The following KCNIP4 variants were observed in gnomAD, a reference collection of about 807,000 sequenced individuals.
The protein encoded by KCNIP4 is potassium voltage-gated channel interacting protein 4, also known as Kv channel-interacting protein 4.
In KCNIP4, 12 loss-of-function variants were observed where a neutral mutation model predicts 34.0. That is an observed-to-expected ratio of 0.35 (90% CI 0.23 to 0.57). KCNIP4 has a LOEUF of 0.57. Among genes scored for constraint, KCNIP4 ranks in the 20% least tolerant of loss-of-function variants. The pLI is 0.83. For synonymous variants in KCNIP4, 124 were observed against 102.2 expected (o/e 1.21, Z -1.29); for missense variants, 238 against 311.7 (o/e 0.76, Z 1.78).
At chr4:21,947,477 G>A (rs563622533) in intron 1 of KCNIP4, among the ~76,000 whole-genome samples, 2 of 152,246 alleles carry the variant, frequency 1.3e-5, no homozygotes, top group Admixed American at 1.3e-4. Flanking sequence ...TCCCGGTTAC[G>A]ATGACCTTAA....
chr4:20,893,510 A>G, intron 1 of KCNIP4, among the ~76,000 whole-genome samples: 1 of 151,230 alleles, frequency 6.6e-6, no homozygotes, highest in Admixed American at 6.6e-5. Context: ...GCAGCCTCGA[A>G]CTCCTGGGCT....
At chr4:20,803,235 A>T (rs79008764) in intron 3 of KCNIP4, among the ~76,000 whole-genome samples, 4,567 of 151,846 alleles carry the variant, frequency 0.03, 192 homozygotes, top group African/African-American at 0.094. Context: ...ATAGTCTAAC[A>T]TTATACCTAA....
At chr4:21,365,475 CAAAA>C (rs1224573367) in intron 1 of KCNIP4, among the ~76,000 whole-genome samples, 1,539 of 87,848 alleles carry the variant, frequency 0.018, 31 homozygotes, top group African/African-American at 0.055. Context: ...GAGACTGTCT[CAAAA>C]AATAAATAAA....
intron 1 of KCNIP4, among the ~76,000 whole-genome samples, chr4:21,549,268 C>T (rs537428115): frequency 3.2e-4 from 48 of 151,924 alleles, no homozygotes; most frequent in Non-Finnish European, 5.6e-4. Context: ...ACCATAACTA[C>T]CTGATACAAT....
intron 1 of KCNIP4, among the ~76,000 whole-genome samples, chr4:21,066,627 T>G (rs1454620268): frequency 6.6e-6 from 1 of 152,106 alleles, no homozygotes; most frequent in East Asian, 1.9e-4. Flanking sequence ...TGGAACTCAG[T>G]GCTGTCCTGT....
rs376279386 is a variant in KCNIP4 at position 20,847,198 on chromosome 4, G to A, written c.288+3345C>T. Among the ~76,000 whole-genome samples the A allele has an allele frequency of 2.0e-4, 31 of 152,178 alleles. No individual in the cohort carries two copies. In the South Asian group the frequency reaches 3.9e-3, roughly 19 times the overall value. On this transcript the variant is annotated intron_variant, in intron 3 of 8. Transcript: ENST00000382152. ...ATTATATTTATTTCTTTAAAAAAGTGCAATCTAGTTATCATTATCCCAGTT... is the reference window on the plus strand; with the variant it reads ...ATTATATTTATTTCTTTAAAAAAGTACAATCTAGTTATCATTATCCCAGTT...
At chr4:21,575,394 A>G (rs1419091657) in intron 1 of KCNIP4, among the ~76,000 whole-genome samples, 2 of 152,138 alleles carry the variant, frequency 1.3e-5, no homozygotes, top group African/African-American at 4.8e-5. Context: ...AAGAAGGAAA[A>G]TGTTTCTGCC....
intron 1 of KCNIP4, among the ~76,000 whole-genome samples, chr4:21,551,664 C>A (rs1738594730): frequency 6.7e-6 from 1 of 149,156 alleles, no homozygotes; most frequent in African/African-American, 2.5e-5. Context: ...TTGGAGAGGG[C>A]ACATTATAAT....
intron 1 of KCNIP4, among the ~76,000 whole-genome samples, chr4:21,729,683 T>C (rs1430037908): frequency 1.3e-5 from 2 of 152,110 alleles, no homozygotes; most frequent in Non-Finnish European, 2.9e-5. Flanking sequence ...TTCCTATAAG[T>C]TTACATGTGA....
At chr4:21,383,687 C>T (rs566904448) in intron 1 of KCNIP4, among the ~76,000 whole-genome samples, 30 of 151,990 alleles carry the variant, frequency 2.0e-4, no homozygotes, top group East Asian at 5.8e-4. Flanking sequence ...AAATACCTTC[C>T]GATTTTACCT....
chr4:21,266,866 A>G (rs1484116063), intron 1 of KCNIP4, among the ~76,000 whole-genome samples: 1 of 152,192 alleles, frequency 6.6e-6, no homozygotes. Context: ...AGTGAGGAAG[A>G]AGGACTGGAA....
intron 1 of KCNIP4, among the ~76,000 whole-genome samples, chr4:21,095,102 G>T (rs1158182902): frequency 6.6e-6 from 1 of 152,194 alleles, no homozygotes; most frequent in Non-Finnish European, 1.5e-5. Context: ...TTCAAATATG[G>T]ATAACAAGGA....
chr4:20,759,105 T>C (rs1754730237), intron 3 of KCNIP4, among the ~76,000 whole-genome samples: 1 of 152,224 alleles, frequency 6.6e-6, no homozygotes, highest in Non-Finnish European at 1.5e-5. Context: ...TCTTTGCATA[T>C]TGAGTATCAA....
At chr4:20,931,749 G>A (rs543399376) in intron 1 of KCNIP4, among the ~76,000 whole-genome samples, 4 of 152,016 alleles carry the variant, frequency 2.6e-5, no homozygotes, top group Non-Finnish European at 4.4e-5. Flanking sequence ...AATATGCAGA[G>A]ATAGACAATA....
At position 21,119,151 on chromosome 4, in the gene KCNIP4, C is replaced by T. The variant is rs986033403; in HGVS notation, c.62-236442G>A. 9.9e-5 allele frequency among the ~76,000 whole-genome samples: 15 copies of T among 151,860 alleles called. 1 individual carries two copies. Among genetic ancestry groups the T allele is most frequent in the Admixed American group, 5.2e-4 (8 of 15,258 alleles). ...GCCTACTTTGGAAGTTTAGAGAGGA[C>T]GATATGCACTGAGAAAGGGCGGAGC... On this transcript the variant is annotated intron_variant, in intron 1 of 8. Transcript: ENST00000382152.
At chr4:21,790,432 C>T (rs1720200533) in intron 1 of KCNIP4, among the ~76,000 whole-genome samples, 1 of 152,104 alleles carries the variant, frequency 6.6e-6, no homozygotes, top group Admixed American at 6.5e-5. Flanking sequence ...TTCACATACA[C>T]CAGAATAGGA....
At chr4:21,528,864 GAA>G (rs1736406261) in intron 1 of KCNIP4, among the ~76,000 whole-genome samples, 3 of 149,188 alleles carry the variant, frequency 2.0e-5, no homozygotes, top group South Asian at 2.2e-4. Context: ...AGGAAGGAAG[GAA>G]GGAAGGGAAA....
rs186848398 is a variant in KCNIP4, at chr4:21,217,769, C to T, written c.62-335060G>A. Among the ~76,000 whole-genome samples, 383 of 152,152 alleles carry T rather than the reference C, an allele frequency of 2.5e-3. 1 individual carries two copies. Among genetic ancestry groups the T allele is most frequent in the Non-Finnish European group, 4.6e-3 (311 of 68,008 alleles). ...GAATTAACAGAAGGAAAATGACAAC[C>T]CTGTTTGGAGAAACTTTGATTTATA... On this transcript the variant is annotated intron_variant, in intron 1 of 8. Transcript: ENST00000382152.
intron 1 of KCNIP4, among the ~76,000 whole-genome samples, chr4:21,684,614 C>A (rs1577839536): frequency 6.6e-6 from 1 of 151,798 alleles, no homozygotes; most frequent in East Asian, 1.9e-4. Flanking sequence ...ACTTTATATC[C>A]TAGGAAAAAG....
Sources: allele counts gnomAD v4.1 joint callset (sites outside exome capture counted in the v4.1 genomes callset), GRCh38; gene constraint gnomAD v4.1.1; transcripts MANE v1.5; gene names NCBI Gene and HGNC (gene_info 2026-07-23, HGNC 2026-07-21).